Variants in ST8SIA1 observed in about 807,000 individuals in gnomAD.
ST8SIA1 encodes the protein ST8 alpha-N-acetyl-neuraminide alpha-2,8-sialyltransferase 1.
In ST8SIA1, 16 loss-of-function variants were observed where a neutral mutation model predicts 35.9. The observed-to-expected ratio is 0.45, with a 90% CI of 0.30 to 0.68. The LOEUF is 0.68. Ranked by LOEUF, ST8SIA1 falls within the 30% of genes least tolerant of loss-of-function variation. The pLI, the probability that ST8SIA1 is intolerant of heterozygous loss-of-function variation, is 0.09. For missense variants in ST8SIA1, 383 were observed against 453.6 expected (o/e 0.84, Z 1.41); for synonymous variants, 170 against 169.6 (o/e 1.00, Z -0.02).
At chr12:22,208,477 C>A (rs1865140841) in intron 4 of ST8SIA1, among the ~76,000 whole-genome samples, 2 of 151,970 alleles carry the variant, frequency 1.3e-5, no homozygotes, top group African/African-American at 4.8e-5. Context: ...ACAAAGCCCC[C>A]AAACACTTTG....
At chr12:22,319,651 G>GC (rs1565595377) in intron 1 of ST8SIA1, among the ~76,000 whole-genome samples, 1 of 152,100 alleles carries the variant, frequency 6.6e-6, no homozygotes, top group African/African-American at 2.4e-5. Context: ...GCAATCCAGC[G>GC]CCCCCACTAT....
At position 22,201,442 on chromosome 12, in the gene ST8SIA1, T is replaced by C; in HGVS notation, c.*110A>G. On this transcript the variant is annotated 3_prime_UTR_variant, in exon 5 of 5. Transcript: ENST00000396037. ...GGATCTTCATTGCTCCTTTCCTGTT[T>C]TTCCAAGGGCCCATGCAAACTCATG... is the stretch of plus-strand genomic sequence containing the variant. The C allele has an allele frequency of 7.0e-7, 1 of 1,427,790 alleles. No individual in the cohort carries two copies. The highest frequency in any genetic ancestry group is 9.4e-7 in the Non-Finnish European group (1 of 1,067,644). The allele number at this position is 1,427,790 out of a possible 1,614,324, so 88.4% of individuals were successfully genotyped here.
At chr12:22,236,526 G>A (rs1455400314) in intron 4 of ST8SIA1, among the ~76,000 whole-genome samples, 2 of 152,174 alleles carry the variant, frequency 1.3e-5, no homozygotes, top group South Asian at 4.1e-4. Flanking sequence ...CTGAGGAGGG[G>A]TGGATGGGAG....
chr12:22,305,712 A>G (rs573233512), intron 1 of ST8SIA1, among the ~76,000 whole-genome samples: 1 of 152,238 alleles, frequency 6.6e-6, no homozygotes, highest in South Asian at 2.1e-4. Context: ...TTTATTGACC[A>G]AGCAATCTCA....
intron 1 of ST8SIA1, among the ~76,000 whole-genome samples, chr12:22,304,334 C>CTTTTTTTTTTTTTT (rs3063802): frequency 3.8e-5 from 4 of 106,258 alleles, no homozygotes; most frequent in East Asian, 5.4e-4. Flanking sequence ...TTTTCTTTTT[C>CTTTTTTTTTTTTTT]TTTTTTTTTT....
intron 1 of ST8SIA1, among the ~76,000 whole-genome samples, chr12:22,317,911 T>A (rs1866540499): frequency 6.6e-6 from 1 of 152,160 alleles, no homozygotes; most frequent in South Asian, 2.1e-4. Flanking sequence ...GCTGTAAAAA[T>A]TCATACACAG....
At chr12:22,256,094 T>C (rs903879790) in intron 2 of ST8SIA1, among the ~76,000 whole-genome samples, 3 of 152,306 alleles carry the variant, frequency 2.0e-5, no homozygotes, top group African/African-American at 7.2e-5. Context: ...TACGTATGAT[T>C]CCTCCAGGCA....
At chr12:22,219,534 A>G (rs1031882174) in intron 4 of ST8SIA1, among the ~76,000 whole-genome samples, 6 of 152,142 alleles carry the variant, frequency 3.9e-5, no homozygotes, top group Non-Finnish European at 7.3e-5. Context: ...AGAGGACTTA[A>G]TATTCCACTC....
intron 1 of ST8SIA1, among the ~76,000 whole-genome samples, chr12:22,310,493 T>G (rs1018177519): frequency 6.6e-6 from 1 of 152,144 alleles, no homozygotes; most frequent in African/African-American, 2.4e-5. Context: ...AAATGCTCAA[T>G]ACAGTAACTC....
At chr12:22,208,278 A>T (rs534030073) in intron 4 of ST8SIA1, among the ~76,000 whole-genome samples, 1 of 152,186 alleles carries the variant, frequency 6.6e-6, no homozygotes, top group Non-Finnish European at 1.5e-5. Flanking sequence ...TTTTTTAAAC[A>T]TATTTCAATT....
rs138535787 is a variant in ST8SIA1 at position 22,216,233 on chromosome 12, C to T, written c.585-14195G>A. On this transcript the variant is annotated intron_variant, in intron 4 of 4. Coordinates refer to ENST00000396037, the MANE Select transcript of ST8SIA1 (RefSeq NM_003034.4). Reference sequence around the variant, plus strand: ...TCCTCCCCAAGTAATTGTCCCAAGTCCAATTTGACCATGTCACTTCCTGTC... The same window carrying T: ...TCCTCCCCAAGTAATTGTCCCAAGTTCAATTTGACCATGTCACTTCCTGTC... 2.2e-3 allele frequency among the ~76,000 whole-genome samples: 335 copies of T among 152,262 alleles called. 1 individual carries two copies. Among genetic ancestry groups the T allele is most frequent in the African/African-American group, 7.5e-3 (312 of 41,544 alleles).
chr12:22,300,832 T>C (rs1284364497), intron 1 of ST8SIA1, among the ~76,000 whole-genome samples: 2 of 152,188 alleles, frequency 1.3e-5, no homozygotes, highest in Non-Finnish European at 2.9e-5. Flanking sequence ...CTGACTTAAT[T>C]AATCCTTTAA....
chr12:22,308,522 A>G (rs1278979437), intron 1 of ST8SIA1, among the ~76,000 whole-genome samples: 1 of 152,216 alleles, frequency 6.6e-6, no homozygotes, highest in Non-Finnish European at 1.5e-5. Flanking sequence ...TCTCAACTAA[A>G]TTAAAGAAAA....
At position 22,200,543 on chromosome 12, in the gene ST8SIA1, C is replaced by T. The variant is rs1423493597; in HGVS notation, c.*1009G>A. 13 of 152,116 alleles carry T rather than the reference C, an allele frequency of 8.5e-5. No individual in the cohort carries two copies. The highest frequency in any genetic ancestry group is 1.6e-4 in the Non-Finnish European group (11 of 68,016). The allele number at this position is 152,116 out of a possible 1,614,324, so 9.4% of individuals were successfully genotyped here. On this transcript the variant is annotated 3_prime_UTR_variant, in exon 5 of 5. Coordinates refer to ENST00000396037, the MANE Select transcript of ST8SIA1 (RefSeq NM_003034.4). ...AAGAGGAAACATATTCAAAGTTTCG[C>T]TCAATTCATTCTTGCATGTATGCAT...
chr12:22,221,851 C>G (rs1166277137), intron 4 of ST8SIA1, among the ~76,000 whole-genome samples: 3 of 152,210 alleles, frequency 2.0e-5, no homozygotes, highest in African/African-American at 7.2e-5. Flanking sequence ...CAGTTACTGT[C>G]TGCCTAGCCT....
At position 22,201,804 on chromosome 12, in the gene ST8SIA1, C is replaced by G; in HGVS notation, c.819G>C (p.Leu273=). The G allele has an allele frequency of 1.9e-6, 3 of 1,614,150 alleles. No individual in the cohort carries two copies. Among genetic ancestry groups the G allele is most frequent in the Non-Finnish European group, 2.5e-6 (3 of 1,180,000 alleles). Residue 273 remains leucine, a synonymous_variant, in exon 5 of 5, where the codon CTG becomes CTC. Coordinates refer to ENST00000396037, the MANE Select transcript of ST8SIA1 (RefSeq NM_003034.4). ...WKSRGIHAKR[L]STGLFLVSAA... ...CGCTCACCAGAAAAAGTCCTGTGGA[C>G]AGGCGCTTGGCATGGATTCCTCTAC...
chr12:22,332,651 G>A (rs1866782747), intron 1 of ST8SIA1, among the ~76,000 whole-genome samples: 2 of 152,192 alleles, frequency 1.3e-5, no homozygotes, highest in South Asian at 4.1e-4. Flanking sequence ...TCTAAAAAGG[G>A]AGAAGGAAAG....
At chr12:22,287,091 T>G in intron 2 of ST8SIA1, 58 bp downstream of exon 2, 2 of 1,527,428 alleles carry the variant, frequency 1.3e-6, no homozygotes, top group Admixed American at 2.0e-5. Context: ...ATTATCCCTT[T>G]TCTATGACAG....
intron 1 of ST8SIA1, among the ~76,000 whole-genome samples, chr12:22,312,895 T>C (rs1217989813): frequency 2.0e-5 from 3 of 152,190 alleles, no homozygotes; most frequent in Non-Finnish European, 4.4e-5. Flanking sequence ...CAAAAAACTT[T>C]CATTTCTTGT....
Sources: gnomAD v4.1 joint callset for allele counts (sites outside exome capture counted in the v4.1 genomes callset) on GRCh38, gnomAD v4.1.1 for gene constraint, MANE v1.5 for transcripts, NCBI Gene and HGNC (gene_info 2026-07-23, HGNC 2026-07-21) for gene names.